Variants in CACNA1H observed in about 807,000 individuals in gnomAD.
CACNA1H encodes the protein voltage-dependent T-type calcium channel subunit alpha-1H.
A neutral mutation model predicts 192.5 loss-of-function variants in CACNA1H; 149 were observed. That is an observed-to-expected ratio of 0.77 (90% confidence interval 0.68 to 0.89). CACNA1H has a LOEUF of 0.89. Ranked by LOEUF, CACNA1H falls within the 40% of genes least tolerant of loss-of-function variation. The pLI is 0.00. For missense variants in CACNA1H, 4,257 were observed against 3,423.5 expected (o/e 1.24, Z -6.08); for synonymous variants, 2,202 against 1,475.2 (o/e 1.49, Z -11.29).
chr16:1,216,781 C>T (rs906257566), intron 30 of CACNA1H, 151 bp from the exon 31 acceptor site: 22 of 689,348 alleles, frequency 3.2e-5, no homozygotes, highest in Admixed American at 4.5e-5. Flanking sequence ...CCGCCCAGCT[C>T]TGGGAACTTG....
At chr16:1,163,928 C>T (rs1483227965) in intron 2 of CACNA1H, among the ~76,000 whole-genome samples, 1 of 152,206 alleles carries the variant, frequency 6.6e-6, no homozygotes, top group Non-Finnish European at 1.5e-5. Context: ...CCGCTTGTGA[C>T]TCAGCGGCTC....
chr16:1,163,573 G>A (rs1260404707), intron 2 of CACNA1H, among the ~76,000 whole-genome samples: 1 of 152,224 alleles, frequency 6.6e-6, no homozygotes, highest in Non-Finnish European at 1.5e-5. Context: ...CCACACACAC[G>A]GTCCCTGCCC....
intron 2 of CACNA1H, among the ~76,000 whole-genome samples, chr16:1,174,936 G>GTCCACCCCCCCACCCCCCACC (rs1166095402): frequency 4.4e-5 from 1 of 22,720 alleles, no homozygotes; most frequent in South Asian, 1.3e-3. Context: ...CAACCCCCAC[G>GTCCACCCCCCCACCCCCCACC]TCCACCCCCC....
At position 1,210,119 on chromosome 16, in the gene CACNA1H, T is replaced by C; in HGVS notation, c.3829T>C (p.Phe1277Leu). ...CCGCGAGGCCTGGGCCCTCTACCTC[T>C]TCTCCCCACAGAACCGGTGAGGCGG... ...RSREAWALYLFSPQNRFRVSC... is the reference protein window; with the variant it reads ...RSREAWALYLLSPQNRFRVSC... Residue 1277 changes from phenylalanine to leucine, a missense_variant, in exon 18 of 35, where the codon TTC (phenylalanine) becomes CTC (leucine). Phe to Leu is a conservative substitution (Grantham distance 22). Coordinates refer to ENST00000348261, the MANE Select transcript of CACNA1H (RefSeq NM_021098.3). 6.4e-7 allele frequency: 1 copy of C among 1,558,596 alleles called. No individual in the cohort carries two copies. Among genetic ancestry groups the C allele is most frequent in the Non-Finnish European group, 8.7e-7 (1 of 1,151,906 alleles).
intron 2 of CACNA1H, among the ~76,000 whole-genome samples, chr16:1,192,978 G>A (rs914799310): frequency 2.0e-5 from 3 of 152,084 alleles, no homozygotes; most frequent in African/African-American, 4.8e-5. Flanking sequence ...CCCCCATTGG[G>A]TAGATGGGTA....
Position 1,195,087 on chromosome 16 carries a change from AG to A in CACNA1H, c.411+8del. Reference sequence around the variant, plus strand: ...CGAGCGCTGCAACATCCTGGAGGTGAGGGGCGTGGGTCGGGGTGGGGAAGGA... The same window carrying A: ...CGAGCGCTGCAACATCCTGGAGGTGAGGGCGTGGGTCGGGGTGGGGAAGGA... On this transcript the variant is annotated splice_donor_5th_base_variant and intron_variant, in intron 3 of 34. Transcript: ENST00000348261. 3.5e-6 allele frequency: 4 copies of A among 1,129,718 alleles called. No individual in the cohort carries two copies. The highest frequency in any genetic ancestry group is 4.5e-6 in the Non-Finnish European group (4 of 895,800). The allele number at this position is 1,129,718 out of a possible 1,614,324, so 70.0% of individuals were successfully genotyped here.
Position 1,219,000 on chromosome 16 carries a change from C to G in CACNA1H, c.5918C>G (p.Ala1973Gly). Reference sequence around the variant, plus strand: ...GTTGCCTCTGTGCACTCTCCGCCCGCAGAGTCCTGTGCCTCCCTCCAGATC... The same window carrying G: ...GTTGCCTCTGTGCACTCTCCGCCCGGAGAGTCCTGTGCCTCCCTCCAGATC... Reference protein sequence around the residue: ...GSVASVHSPPAESCASLQIPL... With the variant: ...GSVASVHSPPGESCASLQIPL... Residue 1973 changes from alanine to glycine, a missense_variant, in exon 34 of 35, where the codon GCA becomes GGA. Physicochemically the swap from Ala to Gly is moderately conservative, Grantham distance 60. Transcript: ENST00000348261. 6 of 1,550,310 alleles carry G rather than the reference C, an allele frequency of 3.9e-6. No homozygotes were observed. The highest frequency in any genetic ancestry group is 5.2e-6 in the Non-Finnish European group (6 of 1,146,896).
intron 2 of CACNA1H, among the ~76,000 whole-genome samples, chr16:1,171,846 C>T (rs1442147496): frequency 6.6e-6 from 1 of 152,252 alleles, no homozygotes; most frequent in Non-Finnish European, 1.5e-5. Context: ...TCTGAGGCGT[C>T]TGTTCTGGGC....
At chr16:1,216,829 TG>T in intron 30 of CACNA1H, 102 bp from the exon 31 acceptor site, 2 of 908,304 alleles carry the variant, frequency 2.2e-6, no homozygotes, top group Non-Finnish European at 3.5e-6. Flanking sequence ...TGGAAGAAGG[TG>T]GGCAGGTGGG....
At chr16:1,160,635 C>T (rs1963071000) in intron 2 of CACNA1H, among the ~76,000 whole-genome samples, 1 of 152,212 alleles carries the variant, frequency 6.6e-6, no homozygotes, top group African/African-American at 2.4e-5. Flanking sequence ...GTGCACACTC[C>T]TCGCGGGGCG....
At chr16:1,217,840 G>T in intron 31 of CACNA1H, 79 bp from the exon 32 acceptor site, 1 of 1,494,062 alleles carries the variant, frequency 6.7e-7, no homozygotes. Context: ...CTCCCCAAGG[G>T]GCATGTGGAG....
At chr16:1,158,832 C>T (rs888332148) in intron 2 of CACNA1H, among the ~76,000 whole-genome samples, 6 of 151,946 alleles carry the variant, frequency 3.9e-5, no homozygotes, top group African/African-American at 1.2e-4. Flanking sequence ...TCAGCCCGCA[C>T]CCCCGGCCCC....
At chr16:1,173,569 T>C (rs1964578233) in intron 2 of CACNA1H, among the ~76,000 whole-genome samples, 1 of 152,272 alleles carries the variant, frequency 6.6e-6, no homozygotes, top group Non-Finnish European at 1.5e-5. Flanking sequence ...CGTCCTTTTA[T>C]GGAAAAGGTT....
rs1967297712 is a variant in CACNA1H at position 1,198,674 on chromosome 16, C to G, written c.703C>G (p.Leu235Val). Residue 235 changes from leucine to valine, a missense_variant, in exon 6 of 35, where the codon CTG (leucine) becomes GTG (valine). By Grantham distance (32) the Leu-to-Val change is conservative. Coordinates refer to ENST00000348261, the MANE Select transcript of CACNA1H (RefSeq NM_021098.3). ...GCTGCCCATGCTCGGGAACGTCCTT[C>G]TGCTGTGCTTCTTCGTCTTCTTCAT... ...DTLPMLGNVL[L>V]LCFFVFFIFG... is the part of the protein sequence containing the mutation. The G allele has an allele frequency of 6.2e-7, 1 of 1,613,536 alleles. No individual in the cohort carries two copies. The highest frequency in any genetic ancestry group is 8.5e-7 in the Non-Finnish European group (1 of 1,179,656).
chr16:1,195,118 G>GT, intron 3 of CACNA1H, 35 bp downstream of exon 3: 1 of 1,401,378 alleles, frequency 7.1e-7, no homozygotes, highest in Non-Finnish European at 1.0e-6. Flanking sequence ...GAAGGAGCGT[G>GT]GGTCGCTACG....
chr16:1,212,663 G>A lies in CACNA1H; in HGVS notation c.4777+135G>A, dbSNP rs1969597906. 14 of 1,079,054 alleles carry A rather than the reference G, an allele frequency of 1.3e-5. No individual in the cohort carries two copies. In the South Asian group the frequency reaches 1.7e-4, roughly 13 times the overall value. 66.8% of individuals were successfully genotyped at this position (1,079,054 alleles called of 1,614,324 possible). ...CGGAGGTGCTGGGCGTGTGGCGTGA[G>A]GAGGGGCTGCGCTCGCCCGCCAGTG... On this transcript the variant is annotated intron_variant, in intron 26 of 34. Coordinates refer to ENST00000348261, the MANE Select transcript of CACNA1H (RefSeq NM_021098.3).
In CACNA1H at chr16:1,195,552, A is replaced by T. The variant is rs1450599231; in HGVS notation, c.532A>T (p.Ile178Phe). 6.9e-6 allele frequency: 11 copies of T among 1,602,828 alleles called. No individual in the cohort carries two copies. The highest frequency in any genetic ancestry group is 1.3e-5 in the African/African-American group (1 of 74,734). Residue 178 changes from isoleucine (I) to phenylalanine (F), a missense_variant, in exon 4 of 35, where the codon ATC becomes TTC. Coordinates refer to ENST00000348261, the MANE Select transcript of CACNA1H (RefSeq NM_021098.3). ...CACGTGGAACAGGCTGGATTTCTTC[A>T]TCGTCGTGGCGGGGTAGGCCCCGCC... ...GDTWNRLDFFIVVAGMMEYSL... is the reference protein window; with the variant it reads ...GDTWNRLDFFFVVAGMMEYSL...
At chr16:1,191,072 C>T (rs1240668175) in intron 2 of CACNA1H, among the ~76,000 whole-genome samples, 1 of 128,304 alleles carries the variant, frequency 7.8e-6, no homozygotes, top group Non-Finnish European at 1.6e-5. Flanking sequence ...TGGCCTCAGG[C>T]ACACTCGGGG....
Position 1,200,428 on chromosome 16 carries a change from C to T in CACNA1H, c.976C>T (p.Gln326Ter). The T allele has an allele frequency of 6.2e-7, 1 of 1,610,184 alleles. No homozygotes were observed. The highest frequency in any genetic ancestry group is 8.5e-7 in the Non-Finnish European group (1 of 1,179,404). ...TLGWEAYTQP[Q>*]AEGVGAARNA... ...GGGCTGGGAGGCCTACACGCAGCCG[C>T]AGGCCGAGGGGGTGGGCGCTGCACG... The change falls in exon 7 of 35, where the codon CAG (glutamine) becomes TAG (stop). Residue 326 changes from glutamine to a stop codon, truncating the protein, a stop_gained. Transcript: ENST00000348261. LOFTEE classifies it high-confidence loss of function.
Sources: allele counts gnomAD v4.1 joint callset (sites outside exome capture counted in the v4.1 genomes callset), GRCh38; gene constraint gnomAD v4.1.1; transcripts MANE v1.5; gene names NCBI Gene and HGNC (gene_info 2026-07-23, HGNC 2026-07-21).